Variants in ADAMTSL1 observed in about 807,000 individuals in gnomAD.
The protein encoded by ADAMTSL1 is ADAMTS-like protein 1.
ADAMTSL1 carries 126 observed loss-of-function variants against 201.8 expected under a neutral mutation model. That is an observed-to-expected ratio of 0.62 (90% CI 0.54 to 0.72). The LOEUF is 0.72. ADAMTSL1 is among the 30% of genes least tolerant of loss of function. The probability of loss-of-function intolerance (pLI) is 0.00; values close to 1 mark genes in which losing one functional copy is unlikely to be tolerated. For synonymous variants in ADAMTSL1, 1,121 were observed against 903.4 expected (o/e 1.24, Z -4.32); for missense variants, 2,679 against 2,277.8 (o/e 1.18, Z -3.59).
At chr9:18,191,181 C>A (rs1356589501) in intron 2 of ADAMTSL1, among the ~76,000 whole-genome samples, 2 of 152,104 alleles carry the variant, frequency 1.3e-5, no homozygotes, top group East Asian at 3.9e-4. Flanking sequence ...TGGCTGCTTG[C>A]CAGGCAGTCA....
chr9:18,307,579 A>G (rs1587517833), intron 2 of ADAMTSL1, among the ~76,000 whole-genome samples: 1 of 152,312 alleles, frequency 6.6e-6, no homozygotes, highest in Non-Finnish European at 1.5e-5. Context: ...AAACCAAAAA[A>G]GATCAAAAAA....
chr9:18,271,500 T>A (rs896022158), intron 2 of ADAMTSL1, among the ~76,000 whole-genome samples: 2 of 152,282 alleles, frequency 1.3e-5, no homozygotes, highest in African/African-American at 2.4e-5. Flanking sequence ...ACAAAGGACA[T>A]GAACTCATCA....
chr9:18,513,085 G>C (rs1358663477), intron 2 of ADAMTSL1, among the ~76,000 whole-genome samples: 5 of 152,148 alleles, frequency 3.3e-5, no homozygotes, highest in Non-Finnish European at 7.4e-5. Context: ...GGATCTTAGA[G>C]CTAATCTCCT....
At chr9:18,746,037 C>T (rs1239091487) in intron 15 of ADAMTSL1, among the ~76,000 whole-genome samples, 1 of 152,200 alleles carries the variant, frequency 6.6e-6, no homozygotes, top group Non-Finnish European at 1.5e-5. Context: ...CAACTCCAGA[C>T]ATGCAGTGCC....
At chr9:18,539,925 A>G (rs987518863) in intron 3 of ADAMTSL1, among the ~76,000 whole-genome samples, 1 of 152,214 alleles carries the variant, frequency 6.6e-6, no homozygotes, top group African/African-American at 2.4e-5. Flanking sequence ...GAAGTACCAC[A>G]AAAAACTCAC....
chr9:18,243,985 C>A (rs189627292), intron 2 of ADAMTSL1, among the ~76,000 whole-genome samples: 1 of 152,164 alleles, frequency 6.6e-6, no homozygotes, highest in African/African-American at 2.4e-5. Context: ...GGTATGCATC[C>A]AACCTCTGAT....
At chr9:18,478,310 T>G (rs943114239) in intron 1 of ADAMTSL1, among the ~76,000 whole-genome samples, 3 of 152,186 alleles carry the variant, frequency 2.0e-5, no homozygotes, top group African/African-American at 4.8e-5. Flanking sequence ...AGACATGGTC[T>G]GGTGTTTTGG....
intron 23 of ADAMTSL1, among the ~76,000 whole-genome samples, chr9:18,877,598 A>G (rs1185765440): frequency 6.6e-6 from 1 of 152,192 alleles, no homozygotes; most frequent in Non-Finnish European, 1.5e-5. Flanking sequence ...CAGGTCTCTC[A>G]GCCATGAATA....
intron 2 of ADAMTSL1, among the ~76,000 whole-genome samples, chr9:18,255,575 T>C (rs927603373): frequency 6.6e-6 from 1 of 152,246 alleles, no homozygotes; most frequent in Non-Finnish European, 1.5e-5. Context: ...ATAGGCCTTT[T>C]ACATTACAGG....
At chr9:18,456,868 C>G (rs1820626336) in intron 2 of ADAMTSL1, among the ~76,000 whole-genome samples, 1 of 152,158 alleles carries the variant, frequency 6.6e-6, no homozygotes, top group Non-Finnish European at 1.5e-5. Context: ...TCACTGCTAT[C>G]TGAAATTACC....
In ADAMTSL1 at chr9:18,753,361, C is replaced by T. The variant is rs200102058; in HGVS notation, c.2070C>T (p.Asp690=). The T allele has an allele frequency of 3.7e-5, 59 of 1,612,390 alleles. No individual in the cohort carries two copies. The highest frequency in any genetic ancestry group is 3.2e-4 in the African/African-American group (24 of 75,020). ...LTCGVGLQTR[D]VFCSHLLSRE... ...GTGGGGTCGGCCTACAGACCAGAGA[C>T]GTCTTCTGCAGCCACCTGCTTTCCA... Residue 690 remains aspartate, a synonymous_variant, in exon 16 of 29, where the codon GAC becomes GAT. Coordinates refer to ENST00000380548, the MANE Select transcript of ADAMTSL1 (RefSeq NM_001040272.6).
At chr9:18,466,240 T>C (rs548113705) in intron 2 of ADAMTSL1, among the ~76,000 whole-genome samples, 1 of 152,348 alleles carries the variant, frequency 6.6e-6, no homozygotes, top group Non-Finnish European at 1.5e-5. Context: ...TGCTGGATTT[T>C]TTTGAACCTA....
chr9:18,731,032 G>A (rs963095368), intron 15 of ADAMTSL1, among the ~76,000 whole-genome samples: 4 of 152,196 alleles, frequency 2.6e-5, no homozygotes, highest in African/African-American at 9.7e-5. Context: ...CTCTAGAAGA[G>A]ATGGCTGATG....
chr9:18,877,289 G>A (rs981097244), intron 23 of ADAMTSL1, among the ~76,000 whole-genome samples: 5 of 152,166 alleles, frequency 3.3e-5, no homozygotes, highest in Admixed American at 1.3e-4. Flanking sequence ...GTGAGCCAGT[G>A]TGATCTTTTG....
chr9:18,650,396 C>T (rs1304558694), intron 7 of ADAMTSL1, among the ~76,000 whole-genome samples: 1 of 152,084 alleles, frequency 6.6e-6, no homozygotes, highest in Non-Finnish European at 1.5e-5. Flanking sequence ...GCGCTGCACC[C>T]ACTGACCTGC....
intron 2 of ADAMTSL1, among the ~76,000 whole-genome samples, chr9:18,382,825 A>T (rs1008839076): frequency 6.6e-6 from 1 of 152,220 alleles, no homozygotes; most frequent in African/African-American, 2.4e-5. Context: ...TATGATGAAC[A>T]ATGCTCATTA....
intron 2 of ADAMTSL1, among the ~76,000 whole-genome samples, chr9:18,359,358 A>C (rs1179336485): frequency 6.6e-6 from 1 of 152,198 alleles, no homozygotes. Flanking sequence ...GTTTGGCACC[A>C]ATCATCTTTG....
intron 2 of ADAMTSL1, among the ~76,000 whole-genome samples, chr9:18,467,922 G>C (rs552635304): frequency 1.8e-4 from 27 of 152,220 alleles, no homozygotes; most frequent in Middle Eastern, 6.8e-3. Flanking sequence ...CTTATTGTCT[G>C]GCTCTGGTAT....
upstream of ADAMTSL1, among the ~76,000 whole-genome samples, chr9:18,473,420 A>G (rs1010453725): frequency 5.9e-5 from 9 of 152,302 alleles, no homozygotes; most frequent in Non-Finnish European, 1.3e-4. Context: ...GTGCCTTTAC[A>G]ATTAGCAAAT....
Sources: allele counts gnomAD v4.1 joint callset (sites outside exome capture counted in the v4.1 genomes callset), GRCh38; gene constraint gnomAD v4.1.1; transcripts MANE v1.5; gene names NCBI Gene and HGNC (gene_info 2026-07-23, HGNC 2026-07-21).